PTPRZ1: variants seen among roughly 807,000 people sequenced by gnomAD.
PTPRZ1 encodes the protein receptor-type tyrosine-protein phosphatase zeta.
A neutral mutation model predicts 214.1 loss-of-function variants in PTPRZ1; 82 were observed. That is an observed-to-expected ratio of 0.38 (90% CI 0.32 to 0.46). The LOEUF (loss-of-function observed/expected upper bound fraction) is 0.46, where lower values mean the gene tolerates loss of function less well. Among genes scored for constraint, PTPRZ1 ranks in the 20% least tolerant of loss-of-function variants. The pLI is 1.00. For synonymous variants in PTPRZ1, 945 were observed against 987.9 expected, an observed-to-expected ratio of 0.96 and a Z score of 0.81; for missense variants, 2,603 against 2,748.7, an observed-to-expected ratio of 0.95 and a Z score of 1.19.
chr7:121,976,337 C>A, intron 5 of PTPRZ1, 69 bp downstream of exon 5: 1 of 978,806 alleles, frequency 1.0e-6, no homozygotes, highest in South Asian at 2.1e-5. Context: ...CGTGAAATAT[C>A]AAGACATAGT....
At position 122,038,806 on chromosome 7, in the gene PTPRZ1, AC is replaced by A; in HGVS notation, c.5420del (p.Thr1807LysfsTer8). The A allele has an allele frequency of 1.2e-6, 2 of 1,613,350 alleles. No individual in the cohort carries two copies. The highest frequency in any genetic ancestry group is 2.7e-5 in the African/African-American group (2 of 74,924). ...YIAAQGPLKS[T>X]AEDFWRMIWE... ...TGCTGCCCAAGGCCCACTGAAATCCACAGCTGAAGATTTCTGGAGAATGATA... is the reference window on the plus strand; with the variant it reads ...TGCTGCCCAAGGCCCACTGAAATCCAAGCTGAAGATTTCTGGAGAATGATA... On this transcript the variant is annotated frameshift_variant, in exon 19 of 30. Transcript: ENST00000393386. LOFTEE classifies it high-confidence loss of function.
chr7:122,037,407 T>G (rs1799583297), intron 18 of PTPRZ1, among the ~76,000 whole-genome samples: 1 of 152,190 alleles, frequency 6.6e-6, no homozygotes. Flanking sequence ...CAAACATGAT[T>G]ATTAATCCAG....
chr7:121,874,588 A>G (rs912958288), intron 1 of PTPRZ1, among the ~76,000 whole-genome samples: 3 of 152,242 alleles, frequency 2.0e-5, no homozygotes, highest in Admixed American at 2.0e-4. Flanking sequence ...GTACATTTTC[A>G]TCCAATAGAT....
chr7:121,899,756 T>A (rs1006604126), intron 1 of PTPRZ1, among the ~76,000 whole-genome samples: 1 of 152,172 alleles, frequency 6.6e-6, no homozygotes, highest in Non-Finnish European at 1.5e-5. Flanking sequence ...GGTTGACAGA[T>A]CCCTTGAGAG....
intron 13 of PTPRZ1, among the ~76,000 whole-genome samples, chr7:122,022,779 A>T (rs1006131166): frequency 9.8e-5 from 15 of 152,314 alleles, no homozygotes; most frequent in Non-Finnish European, 1.8e-4. Flanking sequence ...TTTGTCTAAG[A>T]ATTTAACAAA....
At chr7:121,882,877 T>A (rs1794285967) in intron 1 of PTPRZ1, among the ~76,000 whole-genome samples, 3 of 152,208 alleles carry the variant, frequency 2.0e-5, no homozygotes, top group African/African-American at 7.2e-5. Context: ...TCACTTGATA[T>A]GAATGTAATT....
chr7:121,996,634 A>G (rs1274457066), intron 9 of PTPRZ1, 68 bp downstream of exon 9: 8 of 1,226,058 alleles, frequency 6.5e-6, no homozygotes, highest in Admixed American at 2.5e-5. Flanking sequence ...AAGAACTTAC[A>G]AATGGTTGTA....
At chr7:121,921,073 G>T (rs1018897348) in intron 1 of PTPRZ1, among the ~76,000 whole-genome samples, 1 of 151,904 alleles carries the variant, frequency 6.6e-6, no homozygotes, top group Admixed American at 6.6e-5. Flanking sequence ...TTGCCTACCT[G>T]TATTTTTTCT....
At chr7:122,019,362 T>C in intron 13 of PTPRZ1, 94 bp downstream of exon 13, 2 of 1,257,866 alleles carry the variant, frequency 1.6e-6, no homozygotes, top group Non-Finnish European at 2.3e-6. Flanking sequence ...ATTCAAAATG[T>C]ATTTTACCTG....
chr7:121,987,991 T>C (rs918412487), intron 8 of PTPRZ1, among the ~76,000 whole-genome samples: 8 of 152,078 alleles, frequency 5.3e-5, no homozygotes, highest in Non-Finnish European at 7.4e-5. Context: ...GACATAAACA[T>C]GGGAACAGTA....
At chr7:121,992,288 T>C (rs944261931) in intron 8 of PTPRZ1, among the ~76,000 whole-genome samples, 5 of 152,194 alleles carry the variant, frequency 3.3e-5, no homozygotes, top group African/African-American at 9.6e-5. Flanking sequence ...GAATCTCCTA[T>C]CTCCCCTTGG....
intron 1 of PTPRZ1, among the ~76,000 whole-genome samples, chr7:121,910,722 T>C (rs1795247541): frequency 6.6e-6 from 1 of 152,046 alleles, no homozygotes; most frequent in Non-Finnish European, 1.5e-5. Context: ...TTTCATAAGA[T>C]GGTGGTGGTT....
rs143496230 is a variant in PTPRZ1, at chr7:122,013,031, A to G, written c.3985A>G (p.Lys1329Glu). 3 of 1,613,898 alleles carry G rather than the reference A, an allele frequency of 1.9e-6. No homozygotes were observed. Among genetic ancestry groups the G allele is most frequent in the South Asian group, 1.1e-5 (1 of 91,068 alleles). The change falls in exon 12 of 30, where the codon AAG becomes GAG. Residue 1329 changes from lysine to glutamate, a missense_variant. By Grantham distance (56) the Lys-to-Glu change is moderately conservative. This residue lies in a region of PTPRZ1 where 1,913 missense variants were observed against 1,914.3 expected (regional missense o/e 1.00). Transcript: ENST00000393386. ...TGAACCATTAAATACACTAATAAAT[A>G]AGCTTATACATTCCGATGAAATTTT... ...IDEPLNTLIN[K>E]LIHSDEILTS... is the part of the protein sequence containing the mutation.
chr7:122,060,973 C>T, intron 29 of PTPRZ1, 107 bp from the exon 30 acceptor site: 1 of 1,069,168 alleles, frequency 9.4e-7, no homozygotes, highest in Admixed American at 3.1e-5. Flanking sequence ...TAACACATTG[C>T]CCTTTCATGA....
At chr7:121,952,203 C>T (rs944402172) in intron 2 of PTPRZ1, among the ~76,000 whole-genome samples, 1 of 152,092 alleles carries the variant, frequency 6.6e-6, no homozygotes, top group Admixed American at 6.5e-5. Flanking sequence ...CGTGATTGGC[C>T]GGCCTCGGCC....
At chr7:121,911,160 G>A (rs185453625) in intron 1 of PTPRZ1, among the ~76,000 whole-genome samples, 109 of 152,038 alleles carry the variant, frequency 7.2e-4, no homozygotes, top group Non-Finnish European at 1.4e-3. Context: ...GTTTAATATT[G>A]TACTTATTTA....
chr7:121,982,273 A>C (rs2116563655), intron 6 of PTPRZ1, among the ~76,000 whole-genome samples: 1 of 152,238 alleles, frequency 6.6e-6, no homozygotes, highest in Non-Finnish European at 1.5e-5. Flanking sequence ...CACTATCATA[A>C]TTTCTACAGC....
intron 8 of PTPRZ1, among the ~76,000 whole-genome samples, chr7:121,989,644 G>C (rs1420755183): frequency 6.6e-6 from 1 of 152,158 alleles, no homozygotes; most frequent in East Asian, 1.9e-4. Flanking sequence ...AAAGTGCTGG[G>C]ACTACAGGCA....
intron 1 of PTPRZ1, among the ~76,000 whole-genome samples, chr7:121,919,745 T>C (rs889743794): frequency 2.6e-5 from 4 of 152,142 alleles, no homozygotes; most frequent in Non-Finnish European, 4.4e-5. Flanking sequence ...TCCTTTAACA[T>C]ATATTAAATT....
Sources: gnomAD v4.1 joint callset for allele counts (sites outside exome capture counted in the v4.1 genomes callset) on GRCh38, gnomAD v4.1.1 for gene constraint, gnomAD v4.1.1 regional missense constraint, MANE v1.5 for transcripts, NCBI Gene and HGNC (gene_info 2026-07-23, HGNC 2026-07-21) for gene names.